Variants in C18orf63 observed in about 807,000 individuals in gnomAD.
C18orf63 encodes chromosome 18 open reading frame 63, also known as uncharacterized protein C18orf63.
A neutral mutation model predicts 75.3 loss-of-function variants in C18orf63; 50 were observed. That is an observed-to-expected ratio of 0.66 (90% CI 0.53 to 0.84). C18orf63 has a LOEUF of 0.84. Among genes scored for constraint, C18orf63 ranks in the 40% least tolerant of loss-of-function variants. The pLI, the probability that C18orf63 is intolerant of heterozygous loss-of-function variation, is 0.00. For synonymous variants in C18orf63, 232 were observed against 267.6 expected (o/e 0.87, Z 1.30); for missense variants, 732 against 800.2 (o/e 0.91, Z 1.03).
At chr18:74,351,566 G>C (rs1408512109) in intron 11 of C18orf63, among the ~76,000 whole-genome samples, 1 of 152,154 alleles carries the variant, frequency 6.6e-6, no homozygotes, top group Non-Finnish European at 1.5e-5. Context: ...GTGACTCCAA[G>C]GTGACTCCAG....
At position 74,359,060 on chromosome 18, in the gene C18orf63, G is replaced by A. The variant is rs1045115281; in HGVS notation, c.*2613G>A. Reference sequence around the variant, plus strand: ...ATATTGGGTATTTATTGATACTTAGGAATAGTCAGTATTTATAAATATTTA... The same window carrying A: ...ATATTGGGTATTTATTGATACTTAGAAATAGTCAGTATTTATAAATATTTA... On this transcript the variant is annotated 3_prime_UTR_variant, in exon 14 of 14. Transcript: ENST00000579455. 1 of 152,034 alleles carries A rather than the reference G, an allele frequency of 6.6e-6. No individual in the cohort carries two copies. Among genetic ancestry groups the A allele is most frequent in the Non-Finnish European group, 1.5e-5 (1 of 67,988 alleles). 9.4% of individuals were successfully genotyped at this position (152,034 alleles called of 1,614,324 possible).
chr18:74,350,004 G>A (rs969963608), intron 11 of C18orf63, among the ~76,000 whole-genome samples: 1 of 152,188 alleles, frequency 6.6e-6, no homozygotes, highest in African/African-American at 2.4e-5. Flanking sequence ...GCACAAGGAG[G>A]AGGGTGGAAT....
chr18:74,351,205 T>C (rs1049542131), intron 11 of C18orf63, among the ~76,000 whole-genome samples: 3 of 152,188 alleles, frequency 2.0e-5, no homozygotes, highest in Admixed American at 6.5e-5. Context: ...TTCCCAAGAA[T>C]AGTCAACATG....
chr18:74,333,862 A>G (rs1984349119), intron 7 of C18orf63, among the ~76,000 whole-genome samples: 1 of 152,208 alleles, frequency 6.6e-6, no homozygotes, highest in Admixed American at 6.5e-5. Context: ...CCTCTCCTCT[A>G]TTCAACATTA....
At chr18:74,317,533 A>C (rs970926593) in intron 1 of C18orf63, among the ~76,000 whole-genome samples, 1 of 152,222 alleles carries the variant, frequency 6.6e-6, no homozygotes, top group African/African-American at 2.4e-5. Context: ...ATATTCTAAA[A>C]ATTATTGCAA....
At chr18:74,329,758 G>T (rs185855948) in intron 6 of C18orf63, among the ~76,000 whole-genome samples, 104 of 152,214 alleles carry the variant, frequency 6.8e-4, no homozygotes, top group South Asian at 1.2e-3. Flanking sequence ...ATGATCTAAA[G>T]TATACAGTTT....
intron 8 of C18orf63, among the ~76,000 whole-genome samples, chr18:74,341,193 G>A (rs1233659349): frequency 6.7e-6 from 1 of 148,824 alleles, no homozygotes; most frequent in Non-Finnish European, 1.5e-5. Context: ...GAACCCGGGA[G>A]GCGGAGCTTG....
chr18:74,353,143 G>A, intron 11 of C18orf63, 103 bp from the exon 12 acceptor site: 1 of 806,346 alleles, frequency 1.2e-6, no homozygotes, highest in Non-Finnish European at 1.9e-6. Flanking sequence ...AAATCATAGT[G>A]TTGCTTTATA....
chr18:74,328,231 G>A (rs945472355), intron 5 of C18orf63, among the ~76,000 whole-genome samples, 173 bp downstream of exon 5: 13 of 152,178 alleles, frequency 8.5e-5, no homozygotes, highest in African/African-American at 3.1e-4. Flanking sequence ...CACAATCATG[G>A]CGGAAGATGA....
At position 74,318,958 on chromosome 18, in the gene C18orf63, A is replaced by G. The variant is rs568630189; in HGVS notation, c.134+959A>G. ...ATTGCTTAGAGAAGAACAAACAACT[A>G]GAAGATACCCAGAGGCAAGAAATAA... On this transcript the variant is annotated intron_variant, in intron 2 of 13. Transcript: ENST00000579455. 3.3e-5 allele frequency among the ~76,000 whole-genome samples: 5 copies of G among 152,340 alleles called. No individual in the cohort carries two copies. In the South Asian group the frequency reaches 6.2e-4, roughly 19 times the overall value.
At chr18:74,324,849 A>G (rs188553394) in intron 4 of C18orf63, among the ~76,000 whole-genome samples, 1 of 152,254 alleles carries the variant, frequency 6.6e-6, no homozygotes, top group East Asian at 1.9e-4. Flanking sequence ...TATAAACTAA[A>G]TTTTTGTTAC....
Position 74,354,238 on chromosome 18 carries a change from C to T in C18orf63, c.1971C>T (p.His657=). ...TSKKHHSDTV[H]YGQSSSSKKQ... ...AGAAGCATCATTCCGATACTGTGCA[C>T]TATGGCCAATCCAGTTCTTCTAAGA... The change falls in exon 12 of 14, where the codon CAC becomes CAT. Residue 657 remains histidine (H), a synonymous_variant. Coordinates refer to ENST00000579455, the MANE Select transcript of C18orf63 (RefSeq NM_001174123.2). 1 of 1,526,826 alleles carries T rather than the reference C, an allele frequency of 6.5e-7. No individual in the cohort carries two copies. The highest frequency in any genetic ancestry group is 8.7e-7 in the Non-Finnish European group (1 of 1,144,200). 94.6% of individuals were successfully genotyped at this position (1,526,826 alleles called of 1,614,324 possible). A position where few individuals can be genotyped will look rare whatever the true frequency, so the allele number is the denominator to read the frequency against.
chr18:74,320,673 AGTT>A, intron 3 of C18orf63, 82 bp downstream of exon 3: 1 of 810,444 alleles, frequency 1.2e-6, no homozygotes, highest in South Asian at 1.9e-5. Flanking sequence ...TTATAGCTAA[AGTT>A]AAGATGTTTA....
chr18:74,321,527 A>G (rs1289920154), intron 3 of C18orf63, among the ~76,000 whole-genome samples: 2 of 151,788 alleles, frequency 1.3e-5, no homozygotes, highest in Admixed American at 1.3e-4. Flanking sequence ...CTGGTCTCGA[A>G]CTCCTGAGCT....
rs115287851 is a variant in C18orf63, at chr18:74,324,131, T to G, written c.270+1377T>G. Reference sequence around the variant, plus strand: ...GTAAAGTATACAATAATCATACAGATGCACTACAGTAAATGACGCGGTACA... The same window carrying G: ...GTAAAGTATACAATAATCATACAGAGGCACTACAGTAAATGACGCGGTACA... On this transcript the variant is annotated intron_variant, in intron 4 of 13. Transcript: ENST00000579455. 4.7e-3 allele frequency among the ~76,000 whole-genome samples: 721 copies of G among 152,368 alleles called. 6 individuals are homozygous for G. The highest frequency in any genetic ancestry group is 0.016 in the African/African-American group (652 of 41,590).
chr18:74,349,169 T>C (rs1006507813), intron 11 of C18orf63, among the ~76,000 whole-genome samples: 1 of 152,218 alleles, frequency 6.6e-6, no homozygotes, highest in African/African-American at 2.4e-5. Flanking sequence ...TGCTTTTCTA[T>C]AATTCATTTT....
intron 2 of C18orf63, among the ~76,000 whole-genome samples, chr18:74,319,899 G>A (rs1442395352): frequency 1.3e-5 from 2 of 152,116 alleles, no homozygotes; most frequent in Non-Finnish European, 2.9e-5. Flanking sequence ...ATTCAGATGC[G>A]GGGACAAGTT....
chr18:74,353,607 A>C lies in C18orf63; in HGVS notation c.1340A>C (p.Asn447Thr). The change falls in exon 12 of 14, where the codon AAC becomes ACC. Residue 447 changes from asparagine (N) to threonine (T), a missense_variant. Asn to Thr is a moderately conservative substitution (Grantham distance 65). Around this residue, in one of 3 missense-constraint regions of C18orf63, gnomAD observed 495 missense variants for 508.7 expected, o/e 0.97. Transcript: ENST00000579455. ...TTCAAAAATAGATTGTTACAAATGA[A>C]CAAAAATACCTCAGTACTTGGCAGC... ...PVFKNRLLQM[N>T]KNTSVLGSPK... 2 of 1,536,340 alleles carry C rather than the reference A, an allele frequency of 1.3e-6. No homozygotes were observed. Among genetic ancestry groups the C allele is most frequent in the Non-Finnish European group, 1.7e-6 (2 of 1,146,934 alleles).
At chr18:74,339,980 A>G (rs1984453008) in intron 8 of C18orf63, among the ~76,000 whole-genome samples, 1 of 152,190 alleles carries the variant, frequency 6.6e-6, no homozygotes, top group Non-Finnish European at 1.5e-5. Flanking sequence ...GAAAAAGCAC[A>G]GACAACAAAA....
Sources: gnomAD v4.1 joint callset for allele counts (sites outside exome capture counted in the v4.1 genomes callset) on GRCh38, gnomAD v4.1.1 for gene constraint, gnomAD v4.1.1 regional missense constraint, MANE v1.5 for transcripts, NCBI Gene and HGNC (gene_info 2026-07-23, HGNC 2026-07-21) for gene names.